COL14A1: variants seen among roughly 807,000 people sequenced by gnomAD.
COL14A1 encodes the protein collagen type XIV alpha 1 chain, also known as collagen alpha-1(XIV) chain.
Under a neutral mutation model 230.3 loss-of-function variants are expected in COL14A1, and 136 were observed. The ratio of observed to expected loss-of-function variants is 0.59; its 90% CI spans 0.51 to 0.68. The LOEUF (loss-of-function observed/expected upper bound fraction) is 0.68, where lower values mean the gene tolerates loss of function less well. Ranked by LOEUF, COL14A1 falls within the 30% of genes least tolerant of loss-of-function variation. COL14A1 has a pLI of 0.00. For missense variants in COL14A1, 1,976 were observed against 2,215.8 expected (o/e 0.89, Z 2.17); for synonymous variants, 792 against 784.1 (o/e 1.01, Z -0.17).
intron 11 of COL14A1, among the ~76,000 whole-genome samples, chr8:120,208,772 T>C (rs1817528071): frequency 6.6e-6 from 1 of 152,188 alleles, no homozygotes; most frequent in South Asian, 2.1e-4. Context: ...TTATTGTTCA[T>C]ATCATTGTAG....
chr8:120,247,025 A>G (rs1340959468), intron 20 of COL14A1, among the ~76,000 whole-genome samples: 1 of 152,246 alleles, frequency 6.6e-6, no homozygotes, highest in Non-Finnish European at 1.5e-5. Context: ...ATTGAATTCA[A>G]TTATACCTAA....
rs576284394 is a variant in COL14A1, at chr8:120,126,101, C to T, written c.-38+761C>T. Among the ~76,000 whole-genome samples, 166 of 152,356 alleles carry T rather than the reference C, an allele frequency of 1.1e-3. 1 individual carries two copies. Among genetic ancestry groups the T allele is most frequent in the African/African-American group, 3.7e-3 (155 of 41,594 alleles). ...TCCGCTTTGGCTTGCCGACCTCTCACTTGCCCCCTTTTATCTCTCTGACAC... is the reference window on the plus strand; with the variant it reads ...TCCGCTTTGGCTTGCCGACCTCTCATTTGCCCCCTTTTATCTCTCTGACAC... On this transcript the variant is annotated intron_variant, in intron 1 of 47. Transcript: ENST00000297848.
intron 25 of COL14A1, among the ~76,000 whole-genome samples, chr8:120,268,257 CT>C (rs1819557985): frequency 6.6e-6 from 1 of 151,738 alleles, no homozygotes; most frequent in Non-Finnish European, 1.5e-5. Context: ...ATGCCAAATT[CT>C]TTCTTCTTCC....
intron 42 of COL14A1, among the ~76,000 whole-genome samples, chr8:120,334,726 G>C (rs992394872): frequency 6.6e-6 from 1 of 152,106 alleles, no homozygotes. Flanking sequence ...GCTTCAGCCT[G>C]CTTCCCAGAA....
At chr8:120,262,724 A>G in intron 23 of COL14A1, 144 bp from the exon 24 acceptor site, 2 of 712,328 alleles carry the variant, frequency 2.8e-6, no homozygotes, top group Non-Finnish European at 4.4e-6. Flanking sequence ...AGAAGATACA[A>G]TACTTCAAAC....
At position 120,199,515 on chromosome 8, in the gene COL14A1, A is replaced by T; in HGVS notation, c.826A>T (p.Ile276Phe). 1 of 1,613,264 alleles carries T rather than the reference A, an allele frequency of 6.2e-7. No individual in the cohort carries two copies. Among genetic ancestry groups the T allele is most frequent in the Non-Finnish European group, 8.5e-7 (1 of 1,179,656 alleles). Residue 276 changes from isoleucine to phenylalanine, a missense_variant, in exon 8 of 48, where the codon ATT (isoleucine) becomes TTT (phenylalanine). By Grantham distance (21) the Ile-to-Phe change is conservative. Coordinates refer to ENST00000297848, the MANE Select transcript of COL14A1 (RefSeq NM_021110.4). ...ITDGKSQDDI[I>F]PPSRNLRESG... Reference sequence around the variant, plus strand: ...AGATGGAAAATCCCAAGATGACATTATTCCACCATCTAGAAATCTTCGTGA... The same window carrying T: ...AGATGGAAAATCCCAAGATGACATTTTTCCACCATCTAGAAATCTTCGTGA...
At chr8:120,227,489 A>G in intron 17 of COL14A1, 137 bp downstream of exon 17, 1 of 1,076,912 alleles carries the variant, frequency 9.3e-7, no homozygotes, top group Non-Finnish European at 1.3e-6. Context: ...TTCTTCATAT[A>G]TCTTCACTTT....
rs563676287 is a variant in COL14A1 at position 120,285,725 on chromosome 8, A to T, written c.3968-136A>T. 29 of 634,826 alleles carry T rather than the reference A, an allele frequency of 4.6e-5. No individual in the cohort carries two copies. The South Asian group carries it at 6.3e-4, about 14-fold the overall frequency. 39.3% of individuals were successfully genotyped at this position (634,826 alleles called of 1,614,324 possible). ...TGCGGCAACCTGGGGACTGTAGAAC[A>T]CTTCCTTACTCATCACATCATTCTA... On this transcript the variant is annotated intron_variant, in intron 32 of 47. Coordinates refer to ENST00000297848, the MANE Select transcript of COL14A1 (RefSeq NM_021110.4).
In COL14A1 at chr8:120,130,584, A is replaced by G. The variant is rs115644245; in HGVS notation, c.-38+5244A>G. 2.5e-3 allele frequency among the ~76,000 whole-genome samples: 381 copies of G among 152,358 alleles called. 4 individuals are homozygous for G. The highest frequency in any genetic ancestry group is 8.9e-3 in the African/African-American group (369 of 41,580). ...CTTTTTGTCTTTTAAAAAGCAAAAT[A>G]AAGAAAGCCTACGTGTACAAGGAAA... On this transcript the variant is annotated intron_variant, in intron 1 of 47. Coordinates refer to ENST00000297848, the MANE Select transcript of COL14A1 (RefSeq NM_021110.4).
chr8:120,358,175 A>C (rs923781606), intron 45 of COL14A1, among the ~76,000 whole-genome samples: 1 of 152,330 alleles, frequency 6.6e-6, no homozygotes, highest in Non-Finnish European at 1.5e-5. Flanking sequence ...AAAGTCTATT[A>C]GTCAGTTTGA....
intron 47 of COL14A1, chr8:120,370,673 T>C: frequency 6.9e-7 from 1 of 1,445,720 alleles, no homozygotes; most frequent in African/African-American, 1.4e-5. Flanking sequence ...CAGACTCCCC[T>C]GTGTGACAGC....
At chr8:120,136,962 A>C (rs1441795754) in intron 1 of COL14A1, among the ~76,000 whole-genome samples, 205 of 24,354 alleles carry the variant, frequency 8.4e-3, no homozygotes, top group African/African-American at 0.023. Flanking sequence ...TCTGTCTCAA[A>C]AAAAAAAAAA....
intron 45 of COL14A1, among the ~76,000 whole-genome samples, chr8:120,350,030 C>T (rs922339801): frequency 2.8e-5 from 4 of 141,974 alleles, no homozygotes; most frequent in Admixed American, 1.4e-4. Context: ...AGACTAACAG[C>T]GGATCTCTCG....
chr8:120,211,219 G>A (rs1322430202), intron 12 of COL14A1, among the ~76,000 whole-genome samples: 1 of 152,084 alleles, frequency 6.6e-6, no homozygotes, highest in Non-Finnish European at 1.5e-5. Context: ...CACTTGGTTG[G>A]AATAAAACAT....
chr8:120,349,002 A>C (rs1267561986), intron 45 of COL14A1, among the ~76,000 whole-genome samples: 1 of 152,186 alleles, frequency 6.6e-6, no homozygotes, highest in Admixed American at 6.5e-5. Context: ...ACAGCTTTGA[A>C]GGGAGCAGTG....
intron 15 of COL14A1, among the ~76,000 whole-genome samples, chr8:120,225,455 A>G (rs1818066083): frequency 6.6e-6 from 1 of 152,188 alleles, no homozygotes; most frequent in South Asian, 2.1e-4. Flanking sequence ...GTTTTTAAAA[A>G]AATGTATGTT....
chr8:120,156,199 T>C (rs1277407234), intron 2 of COL14A1, among the ~76,000 whole-genome samples: 2 of 150,818 alleles, frequency 1.3e-5, no homozygotes, highest in Non-Finnish European at 2.9e-5. Flanking sequence ...ATGGAGTCTC[T>C]CTCTGTCTCG....
At chr8:120,184,887 T>C (rs73321671) in intron 5 of COL14A1, among the ~76,000 whole-genome samples, 2,240 of 152,316 alleles carry the variant, frequency 0.015, 58 homozygotes, top group African/African-American at 0.05. Context: ...AAGAATCTGC[T>C]TTATTCAGTC....
intron 45 of COL14A1, among the ~76,000 whole-genome samples, chr8:120,366,362 C>T (rs1397169345): frequency 6.6e-6 from 1 of 152,182 alleles, no homozygotes; most frequent in East Asian, 1.9e-4. Flanking sequence ...TGCTGTTCTG[C>T]ATGCTGCTAT....
Sources: gnomAD v4.1 joint callset for allele counts (sites outside exome capture counted in the v4.1 genomes callset) on GRCh38, gnomAD v4.1.1 for gene constraint, MANE v1.5 for transcripts, NCBI Gene and HGNC (gene_info 2026-07-23, HGNC 2026-07-21) for gene names.